The following MTMR7 variants were observed in gnomAD, a reference collection of about 807,000 sequenced individuals.
MTMR7 encodes phosphatidylinositol-3-phosphate phosphatase MTMR7.
MTMR7 carries 76 observed loss-of-function variants against 81.2 expected under a neutral mutation model. The ratio of observed to expected loss-of-function variants is 0.94; its 90% confidence interval spans 0.78 to 1.13. The LOEUF is 1.13. Ranked by LOEUF, MTMR7 falls within the 50% of genes most tolerant of loss-of-function variation. The pLI, the probability that MTMR7 is intolerant of heterozygous loss-of-function variation, is 0.00. For missense variants in MTMR7, 1,044 were observed against 820.0 expected (o/e 1.27, Z -3.34); for synonymous variants, 372 against 289.8 (o/e 1.28, Z -2.88).
intron 1 of MTMR7, among the ~76,000 whole-genome samples, chr8:17,380,160 C>T (rs1410384750): frequency 6.6e-6 from 1 of 152,156 alleles, no homozygotes; most frequent in East Asian, 1.9e-4. Context: ...AAGCTTTGGA[C>T]TTCTGAAGGT....
chr8:17,332,253 C>G lies in MTMR7; in HGVS notation c.733-971G>C, dbSNP rs117558659. Among the ~76,000 whole-genome samples the G allele has an allele frequency of 1.2e-3, 178 of 152,224 alleles. 1 individual carries two copies. In the East Asian group the frequency reaches 0.026, roughly 22 times the overall value. On this transcript the variant is annotated intron_variant, in intron 6 of 13. Coordinates refer to ENST00000180173, the MANE Select transcript of MTMR7 (RefSeq NM_004686.5). Reference sequence around the variant, plus strand: ...AATATCTGCTTTTAAAAGCACAGTGCACAATAGTACTTTTTAAAAGCTAAA... The same window carrying G: ...AATATCTGCTTTTAAAAGCACAGTGGACAATAGTACTTTTTAAAAGCTAAA...
intron 8 of MTMR7, 90 bp from the exon 9 acceptor site, chr8:17,311,726 CAGAA>C (rs1361797176): frequency 5.1e-6 from 8 of 1,570,908 alleles, no homozygotes; most frequent in Non-Finnish European, 6.9e-6. Flanking sequence ...TGTATATTTA[CAGAA>C]AGAAACAGCC....
intron 4 of MTMR7, among the ~76,000 whole-genome samples, chr8:17,356,835 C>T (rs1178935195): frequency 1.3e-5 from 2 of 152,142 alleles, no homozygotes; most frequent in African/African-American, 4.8e-5. Context: ...AATATCACAT[C>T]AATACCAACC....
In MTMR7 at chr8:17,350,345, G is replaced by C. The variant is rs138558245; in HGVS notation, c.469-1264C>G. Among the ~76,000 whole-genome samples the C allele has an allele frequency of 4.5e-3, 692 of 152,350 alleles. 16 individuals carry two copies. Among genetic ancestry groups the C allele is most frequent in the Admixed American group, 0.042 (646 of 15,306 alleles). On this transcript the variant is annotated intron_variant, in intron 4 of 13. Coordinates refer to ENST00000180173, the MANE Select transcript of MTMR7 (RefSeq NM_004686.5). Reference sequence around the variant, plus strand: ...AATGGACTCACAGTTCCACATGGCTGGGAGGCCTCATAAGCATGGCAAAAG... The same window carrying C: ...AATGGACTCACAGTTCCACATGGCTCGGAGGCCTCATAAGCATGGCAAAAG...
intron 4 of MTMR7, among the ~76,000 whole-genome samples, chr8:17,352,009 A>G (rs943062177): frequency 1.3e-5 from 2 of 152,196 alleles, no homozygotes; most frequent in Non-Finnish European, 2.9e-5. Context: ...TAATATTGTG[A>G]AGATGTCCAT....
chr8:17,394,408 T>C (rs996950683), intron 1 of MTMR7, among the ~76,000 whole-genome samples: 4 of 152,186 alleles, frequency 2.6e-5, no homozygotes, highest in African/African-American at 9.6e-5. Context: ...CGGATGAACC[T>C]TGAAAATCTT....
intron 4 of MTMR7, 140 bp from the exon 5 acceptor site, chr8:17,349,221 A>C (rs1430024917): frequency 9.0e-6 from 9 of 1,000,580 alleles, no homozygotes; most frequent in Non-Finnish European, 1.3e-5. Flanking sequence ...TATTTCGAGG[A>C]AACTCAAAGC....
chr8:17,399,350 A>C (rs138055728), intron 1 of MTMR7, among the ~76,000 whole-genome samples: 3,262 of 152,322 alleles, frequency 0.021, 60 homozygotes, highest in Middle Eastern at 0.082. Context: ...GAACAATGTG[A>C]AAAAGAAATC....
intron 1 of MTMR7, among the ~76,000 whole-genome samples, chr8:17,392,751 C>G (rs933777123): frequency 6.6e-6 from 1 of 152,134 alleles, no homozygotes; most frequent in Non-Finnish European, 1.5e-5. Flanking sequence ...CAGAGTTCCT[C>G]CAGAGGAAAA....
At chr8:17,350,254 C>T (rs1337419606) in intron 4 of MTMR7, among the ~76,000 whole-genome samples, 1 of 152,144 alleles carries the variant, frequency 6.6e-6, no homozygotes, top group African/African-American at 2.4e-5. Context: ...CAGGGGTGTA[C>T]TAGTCCATTT....
chr8:17,312,770 GGTTCTC>G (rs1176692254), intron 8 of MTMR7, among the ~76,000 whole-genome samples: 1 of 151,962 alleles, frequency 6.6e-6, no homozygotes, highest in Non-Finnish European at 1.5e-5. Context: ...GGGAAGATAT[GGTTCTC>G]TTTAGGTATA....
rs545237270 is a variant in MTMR7 at position 17,305,625 on chromosome 8, TAAAAC to T, written c.1352+127_1352+131del. On this transcript the variant is annotated intron_variant, in intron 11 of 13. Transcript: ENST00000180173. The stretch of plus-strand genomic sequence containing the variant: ...TGAAATGACACCAGGAAAAAGAAAA[TAAAAC>T]TAATCTGTCAGTATAGGTATGTGAC... 682 of 693,222 alleles carry T rather than the reference TAAAAC, an allele frequency of 9.8e-4. 1 individual carries two copies. The highest frequency in any genetic ancestry group is 1.3e-3 in the Non-Finnish European group (543 of 431,192). The allele number at this position is 693,222 out of a possible 1,614,324, so 42.9% of individuals were successfully genotyped here. A position where few individuals can be genotyped will look rare whatever the true frequency, so the allele number is the denominator to read the frequency against.
Position 17,361,294 on chromosome 8 carries a change from A to C in MTMR7, c.311-20T>G. 1 of 1,613,848 alleles carries C rather than the reference A, an allele frequency of 6.2e-7. No homozygotes were observed. Among genetic ancestry groups the C allele is most frequent in the African/African-American group, 1.3e-5 (1 of 75,066 alleles). ...ATTTCACTGCAAGAAAAGGTAGGAT[A>C]AAGTTAAATCAAGCTTAGTCAAAAC... On this transcript the variant is annotated intron_variant, in intron 3 of 13. Transcript: ENST00000180173.
At chr8:17,311,772 G>T (rs1484703931) in intron 8 of MTMR7, 136 bp from the exon 9 acceptor site, 1 of 1,375,938 alleles carries the variant, frequency 7.3e-7, no homozygotes, top group Non-Finnish European at 9.9e-7. Flanking sequence ...CGTCTGTTTA[G>T]GGCCCCCCCT....
chr8:17,301,764 T>C (rs1038551575), intron 13 of MTMR7: 20 of 218,544 alleles, frequency 9.2e-5, no homozygotes, highest in African/African-American at 4.6e-4. Context: ...AATTATAGAT[T>C]AATATCATAG....
intron 1 of MTMR7, among the ~76,000 whole-genome samples, chr8:17,389,817 G>A (rs1156950352): frequency 4.6e-5 from 7 of 152,032 alleles, no homozygotes; most frequent in Non-Finnish European, 7.4e-5. Context: ...TAACTAAAAT[G>A]GAGAATACTG....
At chr8:17,303,655 G>C (rs1024785599) in intron 12 of MTMR7, among the ~76,000 whole-genome samples, 2 of 150,030 alleles carry the variant, frequency 1.3e-5, no homozygotes, top group African/African-American at 2.5e-5. Context: ...TGTTGCCCAG[G>C]CTGGAGTGCA....
At chr8:17,400,924 A>T (rs574341593) in intron 1 of MTMR7, among the ~76,000 whole-genome samples, 1 of 152,260 alleles carries the variant, frequency 6.6e-6, no homozygotes, top group East Asian at 1.9e-4. Context: ...TGAAATCCTC[A>T]CTTTTAACAG....
At chr8:17,305,683 A>G (rs1247143972) in intron 11 of MTMR7, 74 bp downstream of exon 11, 1 of 1,346,230 alleles carries the variant, frequency 7.4e-7, no homozygotes, top group African/African-American at 1.5e-5. Flanking sequence ...CAAAATTATG[A>G]AAGGCCACCT....
Sources: allele counts gnomAD v4.1 joint callset (sites outside exome capture counted in the v4.1 genomes callset), GRCh38; gene constraint gnomAD v4.1.1; transcripts MANE v1.5; gene names NCBI Gene and HGNC (gene_info 2026-07-23, HGNC 2026-07-21).